The following CNTN1 variants were observed in gnomAD, a reference collection of about 807,000 sequenced individuals.
The protein encoded by CNTN1 is contactin 1.
CNTN1 carries 38 observed loss-of-function variants against 126.4 expected under a neutral mutation model. That is an observed-to-expected ratio of 0.30 (90% CI 0.23 to 0.39). The LOEUF is 0.39. CNTN1 is among the 10% of genes least tolerant of loss of function. CNTN1 has a pLI of 1.00. For missense variants in CNTN1, 1,009 were observed against 1,248.4 expected, an observed-to-expected ratio of 0.81 and a Z score of 2.89; for synonymous variants, 413 against 422.6, an observed-to-expected ratio of 0.98 and a Z score of 0.28.
At chr12:40,991,994 T>A (rs1489257922) in intron 16 of CNTN1, among the ~76,000 whole-genome samples, 1 of 152,112 alleles carries the variant, frequency 6.6e-6, no homozygotes, top group African/African-American at 2.4e-5. Context: ...AGTTTCCGAT[T>A]TGGTGTGAGG....
chr12:40,916,239 A>T (rs79277563), intron 3 of CNTN1, among the ~76,000 whole-genome samples: 80 of 152,240 alleles, frequency 5.3e-4, no homozygotes, highest in African/African-American at 1.9e-3. Flanking sequence ...AGATATATTG[A>T]TTTCTCTACT....
intron 16 of CNTN1, among the ~76,000 whole-genome samples, chr12:40,984,449 G>A (rs1036200303): frequency 3.9e-5 from 6 of 152,182 alleles, no homozygotes; most frequent in African/African-American, 1.4e-4. Context: ...GCTTCAGGAA[G>A]CTTTCATTCA....
intron 1 of CNTN1, among the ~76,000 whole-genome samples, chr12:40,826,035 G>A (rs1941605006): frequency 6.6e-6 from 1 of 152,078 alleles, no homozygotes; most frequent in Non-Finnish European, 1.5e-5. Flanking sequence ...AAGAAAGAGG[G>A]ACTAAGCTAA....
At chr12:41,060,586 T>C (rs779349635) in intron 23 of CNTN1, among the ~76,000 whole-genome samples, 8 of 152,178 alleles carry the variant, frequency 5.3e-5, no homozygotes, top group Non-Finnish European at 1.0e-4. Flanking sequence ...GATAACTCAG[T>C]GTATTTCACA....
At chr12:40,869,532 A>T (rs1173699131) in intron 1 of CNTN1, among the ~76,000 whole-genome samples, 3 of 152,068 alleles carry the variant, frequency 2.0e-5, no homozygotes, top group Non-Finnish European at 2.9e-5. Flanking sequence ...AGCCTCCCAA[A>T]GTGCTGGGAT....
intron 1 of CNTN1, among the ~76,000 whole-genome samples, chr12:40,838,985 A>C (rs1033616288): frequency 1.3e-5 from 2 of 152,248 alleles, no homozygotes; most frequent in Non-Finnish European, 2.9e-5. Flanking sequence ...ACACTCAGTG[A>C]AACACAAGAG....
chr12:41,000,682 T>C (rs1948335464), intron 17 of CNTN1, among the ~76,000 whole-genome samples: 1 of 152,176 alleles, frequency 6.6e-6, no homozygotes, highest in Non-Finnish European at 1.5e-5. Context: ...TATTATATAA[T>C]GTAAACTTCT....
chr12:41,024,331 T>C (rs1678452864), intron 20 of CNTN1, among the ~76,000 whole-genome samples: 1 of 152,130 alleles, frequency 6.6e-6, no homozygotes, highest in Admixed American at 6.5e-5. Context: ...TCCTTTTCTT[T>C]TTATTCTTAT....
intron 1 of CNTN1, among the ~76,000 whole-genome samples, chr12:40,898,817 G>A (rs1196335680): frequency 1.3e-5 from 2 of 152,188 alleles, no homozygotes; most frequent in African/African-American, 4.8e-5. Flanking sequence ...GAAGTTTTGT[G>A]TACCTTTAGA....
chr12:40,785,850 C>T (rs1939998123), intron 1 of CNTN1, among the ~76,000 whole-genome samples: 1 of 152,154 alleles, frequency 6.6e-6, no homozygotes, highest in African/African-American at 2.4e-5. Context: ...CATTAACTAA[C>T]TGAGGGAGGT....
At chr12:40,880,900 G>C (rs1416814544) in intron 1 of CNTN1, among the ~76,000 whole-genome samples, 2 of 151,770 alleles carry the variant, frequency 1.3e-5, no homozygotes, top group Non-Finnish European at 2.9e-5. Flanking sequence ...ACTTTGGTTT[G>C]CTTCTGAGTA....
chr12:41,048,174 A>G (rs1007007816), intron 23 of CNTN1, among the ~76,000 whole-genome samples: 6 of 152,182 alleles, frequency 3.9e-5, no homozygotes, highest in African/African-American at 1.4e-4. Flanking sequence ...AAAGGTGGCC[A>G]GAGAAGAATG....
intron 1 of CNTN1, among the ~76,000 whole-genome samples, chr12:40,894,035 T>C (rs1353072073): frequency 6.6e-6 from 1 of 152,128 alleles, no homozygotes; most frequent in Non-Finnish European, 1.5e-5. Context: ...CATCCCTGAA[T>C]TCCTCCCTTT....
chr12:41,048,228 C>T (rs750836297), intron 23 of CNTN1, among the ~76,000 whole-genome samples: 2 of 152,310 alleles, frequency 1.3e-5, no homozygotes, highest in African/African-American at 2.4e-5. Flanking sequence ...GACCACAAAA[C>T]TTCAAGTGGG....
At chr12:40,888,900 A>C (rs1944147220) in intron 1 of CNTN1, among the ~76,000 whole-genome samples, 1 of 152,214 alleles carries the variant, frequency 6.6e-6, no homozygotes, top group South Asian at 2.1e-4. Context: ...CATTCAAAGG[A>C]GGGATACTCA....
intron 1 of CNTN1, among the ~76,000 whole-genome samples, chr12:40,835,283 A>G (rs1244658503): frequency 6.6e-6 from 1 of 152,146 alleles, no homozygotes; most frequent in Non-Finnish European, 1.5e-5. Context: ...TGTGTAGTGC[A>G]GTTTTGCACT....
At position 40,867,215 on chromosome 12, in the gene CNTN1, T is replaced by C. The variant is rs936327325; in HGVS notation, c.-76-41142T>C. Among the ~76,000 whole-genome samples, 5 of 152,110 alleles carry C rather than the reference T, an allele frequency of 3.3e-5. No individual in the cohort carries two copies. In the South Asian group the frequency reaches 1.0e-3, roughly 31 times the overall value. ...CCCTCAAGTCAGGAAATGCATCCAC[T>C]TGGTCTAGTGACATAGAAACTAAAA... On this transcript the variant is annotated intron_variant, in intron 1 of 23. Coordinates refer to ENST00000551295, the MANE Select transcript of CNTN1 (RefSeq NM_001843.4).
At chr12:41,018,787 ATTTG>A (rs1437092727) in intron 19 of CNTN1, among the ~76,000 whole-genome samples, 7 of 152,078 alleles carry the variant, frequency 4.6e-5, no homozygotes, top group African/African-American at 1.7e-4. Flanking sequence ...TGTAGAAATA[ATTTG>A]TTTATTATCA....
chr12:40,877,881 C>T (rs919447678), intron 1 of CNTN1, among the ~76,000 whole-genome samples: 1 of 151,856 alleles, frequency 6.6e-6, no homozygotes, highest in Non-Finnish European at 1.5e-5. Flanking sequence ...CCACTTCTGC[C>T]TATCTGTCCC....
Sources: gnomAD v4.1 joint callset for allele counts (sites outside exome capture counted in the v4.1 genomes callset) on GRCh38, gnomAD v4.1.1 for gene constraint, MANE v1.5 for transcripts, NCBI Gene and HGNC (gene_info 2026-07-23, HGNC 2026-07-21) for gene names.